ZNF544: variants seen among roughly 807,000 people sequenced by gnomAD.
The protein encoded by ZNF544 is zinc finger protein 544.
In ZNF544, 10 loss-of-function variants were observed where a neutral mutation model predicts 13.5. The observed-to-expected ratio is 0.74, with a 90% CI of 0.46 to 1.25. ZNF544 has a LOEUF of 1.25. ZNF544 is among the 50% of genes most tolerant of loss of function. The probability of loss-of-function intolerance (pLI) is 0.00; values close to 1 mark genes in which losing one functional copy is unlikely to be tolerated. For synonymous variants in ZNF544, 323 were observed against 300.5 expected, an observed-to-expected ratio of 1.07 and a Z score of -0.77; for missense variants, 896 against 845.6, an observed-to-expected ratio of 1.06 and a Z score of -0.74.
intron 6 of ZNF544, among the ~76,000 whole-genome samples, chr19:58,255,864 T>C (rs2047203911): frequency 6.6e-6 from 1 of 152,358 alleles, no homozygotes; most frequent in South Asian, 2.1e-4. Context: ...ATTTACGCCT[T>C]GGCCTTCAGG....
chr19:58,261,419 CTG>C lies in ZNF544; in HGVS notation c.815_816del (p.Cys272Ter). The C allele has an allele frequency of 6.2e-7, 1 of 1,614,158 alleles. No individual in the cohort carries two copies. The highest frequency in any genetic ancestry group is 8.5e-7 in the Non-Finnish European group (1 of 1,180,040). Reference sequence around the variant, plus strand: ...CTTTTTCAGTGAAGAAAAGTGATGACTGTAAGGATTATGGAAACCTCTTCAGT... The same window carrying C: ...CTTTTTCAGTGAAGAAAAGTGATGACTAAGGATTATGGAAACCTCTTCAGT... ...RTFSVKKSDDCKDYGNLFSHS... is the reference protein window; with the variant it reads ...RTFSVKKSDDXKDYGNLFSHS... On this transcript the variant is annotated frameshift_variant, in exon 7 of 7. Transcript: ENST00000687789. LOFTEE classifies it low-confidence loss of function (END_TRUNC).
At chr19:58,255,343 A>G (rs1348561446) in intron 6 of ZNF544, among the ~76,000 whole-genome samples, 2 of 151,472 alleles carry the variant, frequency 1.3e-5, no homozygotes, top group African/African-American at 2.4e-5. Context: ...TGCCCAGCCA[A>G]TTTTTTTGTA....
intron 5 of ZNF544, among the ~76,000 whole-genome samples, chr19:58,269,688 A>G (rs989149480): frequency 4.0e-5 from 6 of 151,866 alleles, no homozygotes; most frequent in African/African-American, 1.4e-4. Flanking sequence ...TGGGAGACCG[A>G]GGCAGGTGGA....
chr19:58,247,764 T>C (rs2045567695), intron 6 of ZNF544, among the ~76,000 whole-genome samples: 1 of 152,154 alleles, frequency 6.6e-6, no homozygotes, highest in Non-Finnish European at 1.5e-5. Flanking sequence ...CTTTATTTTT[T>C]AGAGCAGTTT....
intron 1 of ZNF544, 64 bp downstream of exon 1, chr19:58,229,010 C>G (rs2040528312): frequency 6.6e-6 from 1 of 152,438 alleles, no homozygotes; most frequent in Non-Finnish European, 1.5e-5. Context: ...GGCCGGAGCG[C>G]AGGACCAGGC....
At chr19:58,244,776 C>A (rs1399785103) in intron 4 of ZNF544, among the ~76,000 whole-genome samples, 1 of 152,028 alleles carries the variant, frequency 6.6e-6, no homozygotes, top group Non-Finnish European at 1.5e-5. Context: ...AGGGTTTTGC[C>A]ATGTTGCTCA....
downstream of ZNF544, among the ~76,000 whole-genome samples, chr19:58,265,783 T>G (rs1454924503): frequency 6.6e-6 from 1 of 151,740 alleles, no homozygotes. Flanking sequence ...AGACGAGGTC[T>G]CACCATGTTG....
rs550789029 is a variant in ZNF544 at position 58,262,912 on chromosome 19, C to T, written c.*158C>T. 1.2e-4 allele frequency: 169 copies of T among 1,453,702 alleles called. No homozygotes were observed. In the African/African-American group the frequency reaches 2.0e-3, roughly 17 times the overall value. The allele number at this position is 1,453,702 out of a possible 1,614,324, so 90.1% of individuals were successfully genotyped here. Reference sequence around the variant, plus strand: ...GGACATATCCTGGAGAAAAGCCCTACGAATGCATTGATTGTGGGAAAGCCT... The same window carrying T: ...GGACATATCCTGGAGAAAAGCCCTATGAATGCATTGATTGTGGGAAAGCCT... On this transcript the variant is annotated 3_prime_UTR_variant, in exon 7 of 7. Coordinates refer to ENST00000687789, the MANE Select transcript of ZNF544 (RefSeq NM_014480.4).
At chr19:58,254,169 A>T (rs1213376033) in intron 6 of ZNF544, among the ~76,000 whole-genome samples, 1 of 152,090 alleles carries the variant, frequency 6.6e-6, no homozygotes, top group African/African-American at 2.4e-5. Context: ...GCTTGCAGTA[A>T]GCTGATATCA....
At chr19:58,270,481 T>A (rs1446130190) in intron 5 of ZNF544, among the ~76,000 whole-genome samples, 1 of 152,122 alleles carries the variant, frequency 6.6e-6, no homozygotes, top group Non-Finnish European at 1.5e-5. Flanking sequence ...TTTGTATTTT[T>A]AGTAGACACA....
Position 58,248,875 on chromosome 19 carries a change from C to T in ZNF544, c.244+2081C>T, listed in dbSNP as rs941238416. 3.9e-5 allele frequency among the ~76,000 whole-genome samples: 6 copies of T among 152,262 alleles called. No homozygotes were observed. The South Asian group carries it at 6.2e-4, about 16-fold the overall frequency. ...ACAGAATTTTCTGGGGTTTAAATCC[C>T]GAGAGGTTTCCCATTGGTTACTTGG... is the stretch of plus-strand genomic sequence containing the variant. On this transcript the variant is annotated intron_variant, in intron 6 of 6. Coordinates refer to ENST00000687789, the MANE Select transcript of ZNF544 (RefSeq NM_014480.4).
downstream of ZNF544, among the ~76,000 whole-genome samples, chr19:58,266,300 C>T (rs988315321): frequency 2.7e-5 from 4 of 146,598 alleles, no homozygotes; most frequent in South Asian, 2.1e-4. Context: ...GGGTGGATCA[C>T]GAGGTCAGAT....
At chr19:58,270,881 C>G (rs569369974) in intron 5 of ZNF544, among the ~76,000 whole-genome samples, 1 of 152,276 alleles carries the variant, frequency 6.6e-6, no homozygotes, top group Non-Finnish European at 1.5e-5. Context: ...GGATGTGAGT[C>G]AGATCCTCAC....
chr19:58,257,083 G>A (rs1256559945), intron 6 of ZNF544, among the ~76,000 whole-genome samples: 2 of 151,994 alleles, frequency 1.3e-5, no homozygotes, highest in Non-Finnish European at 2.9e-5. Context: ...CACCACGCCC[G>A]TCTAATTTTT....
At chr19:58,269,238 C>T (rs190606209) in intron 5 of ZNF544, among the ~76,000 whole-genome samples, 3 of 151,418 alleles carry the variant, frequency 2.0e-5, no homozygotes, top group African/African-American at 7.3e-5. Flanking sequence ...AGTTTGAGAC[C>T]AGCCTGGCCG....
In ZNF544 at chr19:58,236,452, G is replaced by A. The variant is rs116300070; in HGVS notation, c.-60+5990G>A. 8.4e-3 allele frequency among the ~76,000 whole-genome samples: 1,251 copies of A among 148,604 alleles called. 18 individuals are homozygous for A. The highest frequency in any genetic ancestry group is 0.029 in the African/African-American group (1,185 of 40,430). ...GCGGAGGTTGCAGTGAGCCGAGATC[G>A]CTTGGCGCCATTGCACTCCAGCCTG... On this transcript the variant is annotated intron_variant, in intron 3 of 6. Coordinates refer to ENST00000687789, the MANE Select transcript of ZNF544 (RefSeq NM_014480.4).
intron 4 of ZNF544, among the ~76,000 whole-genome samples, 173 bp from the exon 5 acceptor site, chr19:58,246,128 A>G (rs1382758184): frequency 6.6e-6 from 1 of 152,158 alleles, no homozygotes; most frequent in Non-Finnish European, 1.5e-5. Context: ...AGCCTCTTTT[A>G]TGAGGACATT....
chr19:58,248,154 C>T (rs866700680), intron 6 of ZNF544, among the ~76,000 whole-genome samples: 4 of 152,118 alleles, frequency 2.6e-5, no homozygotes, highest in South Asian at 2.1e-4. Context: ...CCTCATGATG[C>T]GCCCCCCTCA....
chr19:58,275,197 C>T (rs563959625), intron 5 of ZNF544, among the ~76,000 whole-genome samples: 1 of 152,110 alleles, frequency 6.6e-6, no homozygotes, highest in Non-Finnish European at 1.5e-5. Context: ...GGAGCCCCCC[C>T]ACACTTGTCT....
Sources: allele counts gnomAD v4.1 joint callset (sites outside exome capture counted in the v4.1 genomes callset), GRCh38; gene constraint gnomAD v4.1.1; transcripts MANE v1.5; gene names NCBI Gene and HGNC (gene_info 2026-07-23, HGNC 2026-07-21).